Variants in CALR3 observed in about 807,000 individuals in gnomAD.
CALR3 encodes calreticulin-3.
In CALR3, 39 loss-of-function variants were observed where a neutral mutation model predicts 48.7. The observed-to-expected ratio is 0.80, with a 90% CI of 0.62 to 1.05. CALR3 has a LOEUF of 1.05. Among genes scored for constraint, CALR3 ranks in the 50% least tolerant of loss-of-function variants. The pLI is 0.00. For missense variants in CALR3, 449 were observed against 474.7 expected, an observed-to-expected ratio of 0.95 and a Z score of 0.50; for synonymous variants, 185 against 172.7, an observed-to-expected ratio of 1.07 and a Z score of -0.56.
Position 16,496,130 on chromosome 19 carries a change from G to C in CALR3, c.-1C>G. ...AGAGCTGGACCAAAGCCCGGGCCAT[G>C]GGGGTGTGCACTGCGCTTCCGGTCG... On this transcript the variant is annotated 5_prime_UTR_variant, in exon 1 of 9. Transcript: ENST00000269881. 1.3e-6 allele frequency: 2 copies of C among 1,598,392 alleles called. No individual in the cohort carries two copies. Among genetic ancestry groups the C allele is most frequent in the African/African-American group, 1.3e-5 (1 of 74,748 alleles).
chr19:16,490,737 A>T (rs1365842366), intron 2 of CALR3, among the ~76,000 whole-genome samples, 167 bp from the exon 3 acceptor site: 2 of 149,850 alleles, frequency 1.3e-5, no homozygotes, highest in South Asian at 4.3e-4. Flanking sequence ...TGGGTAGACC[A>T]CTAGCAGGCA....
Position 16,488,366 on chromosome 19 carries a change from A to G in CALR3, c.397+2001T>C, listed in dbSNP as rs1232359743. ...CCAAAAGTGCTGGGATTACAGGCAT[A>G]AGCCACTGTGCCCAGCTGAGGATGA... On this transcript the variant is annotated intron_variant, in intron 3 of 8. Transcript: ENST00000269881. 2.0e-5 allele frequency among the ~76,000 whole-genome samples: 3 copies of G among 152,238 alleles called. No homozygotes were observed. In the East Asian group the frequency reaches 5.8e-4, roughly 29 times the overall value.
intron 2 of CALR3, among the ~76,000 whole-genome samples, chr19:16,493,219 G>A (rs1390238417): frequency 6.6e-6 from 1 of 152,166 alleles, no homozygotes; most frequent in Non-Finnish European, 1.5e-5. Context: ...CTTAGTTACA[G>A]ATTAACTGCC....
At position 16,482,548 on chromosome 19, in the gene CALR3, C is replaced by T. The variant is rs12459238; in HGVS notation, c.820G>A (p.Val274Ile). 0.012 allele frequency: 20,136 copies of T among 1,614,166 alleles called. 1,058 individuals carry two copies. In the Admixed American group the frequency reaches 0.15, roughly 12 times the overall value. ...GLKPEGIHKD[V>I]WLHRKMKNTD... ...TTCTTCATCTTACGGTGGAGCCAGA[C>T]GTCTTTATGAATACCTTCTGGTTTC... The change falls in exon 7 of 9, where the codon GTC becomes ATC. Residue 274 changes from valine to isoleucine, a missense_variant. Transcript: ENST00000269881.
intron 2 of CALR3, 138 bp downstream of exon 2, chr19:16,495,613 C>T: frequency 1.5e-6 from 1 of 679,900 alleles, no homozygotes; most frequent in Non-Finnish European, 2.6e-6. Context: ...GGAAAGGAGC[C>T]CCTTAAGTTC....
rs746917889 is a variant in CALR3 at position 16,484,108 on chromosome 19, C to T, written c.500G>A (p.Gly167Asp). 9 of 1,613,500 alleles carry T rather than the reference C, an allele frequency of 5.6e-6. No homozygotes were observed. The Admixed American group carries it at 1.2e-4, about 21-fold the overall frequency. The stretch of plus-strand genomic sequence containing the variant: ...AATTAGAGTGTACAGGTGTGTGAAG[C>T]CATCAACCTGCATATTTTAGGGGGA... Reference protein sequence around the residue: ...NKKLIRCKVDGFTHLYTLILR... With the variant: ...NKKLIRCKVDDFTHLYTLILR... The change falls in exon 5 of 9, where the codon GGC (glycine) becomes GAC (aspartate). Residue 167 changes from glycine to aspartate, a missense_variant. Transcript: ENST00000269881.
Position 16,483,775 on chromosome 19 carries a change from G to C in CALR3, c.678+155C>G. The C allele has an allele frequency of 1.3e-5, 9 of 690,134 alleles. No homozygotes were observed. The East Asian group carries it at 2.4e-4, about 19-fold the overall frequency. 42.8% of individuals were successfully genotyped at this position (690,134 alleles called of 1,614,324 possible). A position where few individuals can be genotyped will look rare whatever the true frequency, so the allele number is the denominator to read the frequency against. The stretch of plus-strand genomic sequence containing the variant: ...GTTTTACGATACCTTCAGATGTGTA[G>C]AGATGTGGCTGGTCTGCAGTGTGTG... On this transcript the variant is annotated intron_variant, in intron 5 of 8. Transcript: ENST00000269881.
rs780317722 is a variant in CALR3, at chr19:16,485,154, A to G, written c.492+9T>C. 2.8e-5 allele frequency: 43 copies of G among 1,543,406 alleles called. No homozygotes were observed. The Middle Eastern group carries it at 1.0e-3, about 36-fold the overall frequency. ...TAACACTCATTTATTTGAATACAAG[A>G]GCAGTTACCTTACACCTGATCAGTT... is the stretch of plus-strand genomic sequence containing the variant. On this transcript the variant is annotated intron_variant, in intron 4 of 8. Transcript: ENST00000269881.
In CALR3 at chr19:16,490,552, T is replaced by C. The variant is rs369859530; in HGVS notation, c.212A>G (p.Asn71Ser). 1.9e-6 allele frequency: 3 copies of C among 1,614,026 alleles called. No individual in the cohort carries two copies. In the African/African-American group the frequency reaches 4.0e-5, roughly 22 times the overall value. Residue 71 changes from asparagine to serine, a missense_variant, in exon 3 of 9, where the codon AAT (asparagine) becomes AGT (serine). Coordinates refer to ENST00000269881, the MANE Select transcript of CALR3 (RefSeq NM_145046.5). ...TGCAGAGATGGCATAGAATCGGCCA[T>C]TCTGAGTGGTTTGCAGACCTTTGAA... Reference protein sequence around the residue: ...EKDKGLQTTQNGRFYAISARF... With the variant: ...EKDKGLQTTQSGRFYAISARF...
Position 16,496,022 on chromosome 19 carries a change from G to T in CALR3, c.91+17C>A, listed in dbSNP as rs1233774466. 2 of 1,581,800 alleles carry T rather than the reference G, an allele frequency of 1.3e-6. No homozygotes were observed. Among genetic ancestry groups the T allele is most frequent in the African/African-American group, 1.3e-5 (1 of 74,214 alleles). On this transcript the variant is annotated intron_variant, in intron 1 of 8. Transcript: ENST00000269881. ...GGGGAGCTTACACCTCCGCCACCACGGGCGTGGCCCCTTCACCTCCGTCTA... is the reference window on the plus strand; with the variant it reads ...GGGGAGCTTACACCTCCGCCACCACTGGCGTGGCCCCTTCACCTCCGTCTA...
chr19:16,483,860 T>C, intron 5 of CALR3, 70 bp downstream of exon 5: 2 of 1,510,074 alleles, frequency 1.3e-6, no homozygotes, highest in Non-Finnish European at 1.8e-6. Context: ...CATGCAGCAA[T>C]TGTCCAGTAA....
chr19:16,486,393 G>A (rs978542523), intron 3 of CALR3, among the ~76,000 whole-genome samples: 4 of 150,818 alleles, frequency 2.7e-5, no homozygotes, highest in Non-Finnish European at 4.4e-5. Context: ...GGGCTGAGGC[G>A]GGTGAATCAC....
chr19:16,488,816 C>T (rs1371887571), intron 3 of CALR3, among the ~76,000 whole-genome samples: 1 of 152,188 alleles, frequency 6.6e-6, no homozygotes, highest in South Asian at 2.1e-4. Context: ...TCAAGTACCC[C>T]TGTTGTCAGG....
At chr19:16,494,233 T>C (rs2093402241) in intron 2 of CALR3, among the ~76,000 whole-genome samples, 1 of 151,538 alleles carries the variant, frequency 6.6e-6, no homozygotes, top group Non-Finnish European at 1.5e-5. Flanking sequence ...GCTAACTTTT[T>C]TGTATTTTTG....
In CALR3 at chr19:16,484,110, A is replaced by G; in HGVS notation, c.498T>C (p.Asp166=). 1.2e-6 allele frequency: 2 copies of G among 1,613,664 alleles called. No individual in the cohort carries two copies. The highest frequency in any genetic ancestry group is 1.7e-6 in the Non-Finnish European group (2 of 1,179,864). ...ENKKLIRCKV[D]GFTHLYTLIL... Reference sequence around the variant, plus strand: ...TTAGAGTGTACAGGTGTGTGAAGCCATCAACCTGCATATTTTAGGGGGAAA... The same window carrying G: ...TTAGAGTGTACAGGTGTGTGAAGCCGTCAACCTGCATATTTTAGGGGGAAA... The change falls in exon 5 of 9, where the codon GAT becomes GAC. Residue 166 remains aspartate (D), a synonymous_variant. Coordinates refer to ENST00000269881, the MANE Select transcript of CALR3 (RefSeq NM_145046.5).
Position 16,480,610 on chromosome 19 carries a change from A to G in CALR3, c.1011+4T>C. ...GTAGGAAGAGTTAATCACGTGCTTC[A>G]TACCTTGGTTTCGCCCCAGGTGGCC... is the stretch of plus-strand genomic sequence containing the variant. On this transcript the variant is annotated splice_donor_region_variant and intron_variant, in intron 8 of 8. Transcript: ENST00000269881. 1 of 1,596,258 alleles carries G rather than the reference A, an allele frequency of 6.3e-7. No individual in the cohort carries two copies. Among genetic ancestry groups the G allele is most frequent in the Non-Finnish European group, 8.6e-7 (1 of 1,163,700 alleles).
intron 2 of CALR3, 78 bp from the exon 3 acceptor site, chr19:16,490,648 C>T: frequency 8.1e-7 from 1 of 1,234,638 alleles, no homozygotes; most frequent in Admixed American, 1.7e-5. Context: ...CGATGTCCTT[C>T]CCTTACTCCC....
intron 2 of CALR3, among the ~76,000 whole-genome samples, chr19:16,493,185 C>A (rs2122147599): frequency 6.6e-6 from 1 of 152,322 alleles, no homozygotes; most frequent in South Asian, 2.1e-4. Context: ...AGAGACCAGG[C>A]CTCCTCTATT....
chr19:16,496,134 G>T lies in CALR3; in HGVS notation c.-5C>A. The T allele has an allele frequency of 6.3e-7, 1 of 1,595,542 alleles. No homozygotes were observed. Among genetic ancestry groups the T allele is most frequent in the Non-Finnish European group, 8.5e-7 (1 of 1,171,120 alleles). On this transcript the variant is annotated 5_prime_UTR_variant, in exon 1 of 9. Transcript: ENST00000269881. ...CTGGACCAAAGCCCGGGCCATGGGG[G>T]TGTGCACTGCGCTTCCGGTCGCCGC...
Sources: allele counts gnomAD v4.1 joint callset (sites outside exome capture counted in the v4.1 genomes callset), GRCh38; gene constraint gnomAD v4.1.1; transcripts MANE v1.5; gene names NCBI Gene and HGNC (gene_info 2026-07-23, HGNC 2026-07-21).